The following PDGFD variants were observed in gnomAD, a reference collection of about 807,000 sequenced individuals.
The protein encoded by PDGFD is platelet derived growth factor D, also known as platelet-derived growth factor D.
Under a neutral mutation model 44.7 loss-of-function variants are expected in PDGFD, and 30 were observed. The observed-to-expected ratio is 0.67, with a 90% CI of 0.50 to 0.91. The LOEUF (loss-of-function observed/expected upper bound fraction) is 0.91. Among genes scored for constraint, PDGFD ranks in the 40% least tolerant of loss-of-function variants. The pLI, the probability that PDGFD is intolerant of heterozygous loss-of-function variation, is 0.00. For synonymous variants in PDGFD, 173 were observed against 168.4 expected (o/e 1.03, Z -0.21); for missense variants, 445 against 457.8 (o/e 0.97, Z 0.25).
chr11:103,956,471 T>C (rs1858852161), intron 3 of PDGFD, among the ~76,000 whole-genome samples: 1 of 106,530 alleles, frequency 9.4e-6, no homozygotes, highest in African/African-American at 5.2e-5. Context: ...CATAAGGACA[T>C]TTGGGTTGGT....
In PDGFD at chr11:104,099,549, T is replaced by C. The variant is rs533465877; in HGVS notation, c.124+64255A>G. ...CTGGAGGCTAAGGTGGGAGAATCAC[T>C]TTATCCTAGGAGGCAGAGGTGGCAG... On this transcript the variant is annotated intron_variant, in intron 1 of 6. Coordinates refer to ENST00000393158, the MANE Select transcript of PDGFD (RefSeq NM_025208.5). 2.6e-5 allele frequency among the ~76,000 whole-genome samples: 4 copies of C among 151,586 alleles called. No homozygotes were observed. The South Asian group carries it at 8.3e-4, about 32-fold the overall frequency.
Position 103,908,752 on chromosome 11 carries a change from A to G in PDGFD, c.*942T>C, listed in dbSNP as rs1259543918. On this transcript the variant is annotated 3_prime_UTR_variant, in exon 7 of 7. Transcript: ENST00000393158. Reference sequence around the variant, plus strand: ...AATTTCCAGTTACGTCGATGTTTCAATGTTCACTTTTTAAGTTCTCAACTA... The same window carrying G: ...AATTTCCAGTTACGTCGATGTTTCAGTGTTCACTTTTTAAGTTCTCAACTA... 6.6e-6 allele frequency: 1 copy of G among 152,186 alleles called. No individual in the cohort carries two copies. The highest frequency in any genetic ancestry group is 1.9e-4 in the East Asian group (1 of 5,194). The allele number at this position is 152,186 out of a possible 1,614,324, so 9.4% of individuals were successfully genotyped here.
chr11:103,913,537 C>G (rs149443758), intron 6 of PDGFD, among the ~76,000 whole-genome samples: 1 of 152,230 alleles, frequency 6.6e-6, no homozygotes, highest in African/African-American at 2.4e-5. Context: ...TAGATGCCTA[C>G]AAGAGAAAGC....
At chr11:103,910,317 A>T (rs1052537365) in intron 6 of PDGFD, among the ~76,000 whole-genome samples, 10 of 152,218 alleles carry the variant, frequency 6.6e-5, no homozygotes, top group Admixed American at 1.3e-4. Flanking sequence ...AAGATGGCCG[A>T]ACAGGAACAG....
At chr11:103,936,829 TG>T (rs1565288893) in intron 5 of PDGFD, among the ~76,000 whole-genome samples, 1 of 139,098 alleles carries the variant, frequency 7.2e-6, no homozygotes, top group South Asian at 2.1e-4. Context: ...GTTTGTTTTT[TG>T]TTTTTTTTTT....
chr11:104,102,885 A>G (rs892980301), intron 1 of PDGFD, among the ~76,000 whole-genome samples: 1 of 152,208 alleles, frequency 6.6e-6, no homozygotes, highest in Non-Finnish European at 1.5e-5. Flanking sequence ...CAATGAGAAC[A>G]CATGGACACA....
In PDGFD at chr11:103,909,696, A is replaced by G; in HGVS notation, c.1111T>C (p.Ter371GlnextTer16). 1 of 1,614,102 alleles carries G rather than the reference A, an allele frequency of 6.2e-7. No individual in the cohort carries two copies. Among genetic ancestry groups the G allele is most frequent in the Non-Finnish European group, 8.5e-7 (1 of 1,179,936 alleles). Residue 371 changes from the stop codon to glutamine, a stop_lost, in exon 7 of 7, where the codon TAA becomes CAA. Transcript: ENST00000393158. Reference sequence around the variant, plus strand: ...AATGTAAGGATGTGCACATTCTCTTATCGAGGTGGTCTTGAGCTGCAGATA... The same window carrying G: ...AATGTAAGGATGTGCACATTCTCTTGTCGAGGTGGTCTTGAGCTGCAGATA... Reference protein sequence around the residue: ...DCICSSRPPR* With the variant: ...DCICSSRPPRQ
chr11:104,163,766 AT>A (rs557141512), intron 1 of PDGFD, 37 bp downstream of exon 1: 200 of 1,487,560 alleles, frequency 1.3e-4, no homozygotes, highest in South Asian at 7.5e-4. Flanking sequence ...AGCAAACATG[AT>A]TTTTTTTTCA....
intron 1 of PDGFD, among the ~76,000 whole-genome samples, chr11:104,005,117 G>C (rs770683707): frequency 6.6e-6 from 1 of 152,096 alleles, no homozygotes; most frequent in Admixed American, 6.6e-5. Flanking sequence ...GACCTCAAGT[G>C]ATCTGCCCAC....
chr11:103,939,837 G>A (rs920021779), intron 5 of PDGFD, among the ~76,000 whole-genome samples: 2 of 151,996 alleles, frequency 1.3e-5, no homozygotes, highest in South Asian at 4.1e-4. Flanking sequence ...CAAAAATTAG[G>A]TTTGAAACTA....
chr11:104,064,383 T>C lies in PDGFD; in HGVS notation c.125-64128A>G, dbSNP rs375193747. Among the ~76,000 whole-genome samples the C allele has an allele frequency of 3.0e-4, 45 of 152,344 alleles. No homozygotes were observed. The South Asian group carries it at 5.2e-3, about 18-fold the overall frequency. On this transcript the variant is annotated intron_variant, in intron 1 of 6. Coordinates refer to ENST00000393158, the MANE Select transcript of PDGFD (RefSeq NM_025208.5). Reference sequence around the variant, plus strand: ...TTCTTTATACAGATGCCAAATGCACTTCAGAAGCACATGGGAACAATTACA... The same window carrying C: ...TTCTTTATACAGATGCCAAATGCACCTCAGAAGCACATGGGAACAATTACA...
intron 1 of PDGFD, among the ~76,000 whole-genome samples, chr11:104,119,175 T>TTGGTA (rs1565340617): frequency 0.011 from 96 of 8,476 alleles, 14 homozygotes; most frequent in Non-Finnish European, 0.015. Flanking sequence ...ATATAATATA[T>TTGGTA]TAATATAATA....
intron 5 of PDGFD, among the ~76,000 whole-genome samples, chr11:103,930,996 C>T (rs759814086): frequency 6.6e-6 from 1 of 152,150 alleles, no homozygotes; most frequent in Non-Finnish European, 1.5e-5. Flanking sequence ...CCCTTTCTTG[C>T]CTCATCTAGG....
intron 1 of PDGFD, among the ~76,000 whole-genome samples, chr11:104,122,899 GA>G (rs1246421360): frequency 1.3e-5 from 2 of 151,180 alleles, no homozygotes; most frequent in African/African-American, 2.4e-5. Context: ...TTTTATATCA[GA>G]AAAAAAAAAT....
intron 1 of PDGFD, among the ~76,000 whole-genome samples, chr11:104,119,839 A>G (rs1861743381): frequency 9.1e-6 from 1 of 110,320 alleles, no homozygotes; most frequent in East Asian, 3.2e-4. Flanking sequence ...ATAATCAATT[A>G]TTATATATTA....
intron 1 of PDGFD, among the ~76,000 whole-genome samples, chr11:104,131,552 A>T (rs1861919208): frequency 6.6e-6 from 1 of 151,964 alleles, no homozygotes; most frequent in African/African-American, 2.4e-5. Flanking sequence ...ACATATCCTT[A>T]GAGTCTACAC....
intron 1 of PDGFD, among the ~76,000 whole-genome samples, chr11:104,055,603 T>C (rs1269738979): frequency 2.0e-5 from 3 of 152,202 alleles, no homozygotes; most frequent in Non-Finnish European, 4.4e-5. Flanking sequence ...ATCATAACTC[T>C]ATTATTTTAA....
At position 103,907,258 on chromosome 11, in the gene PDGFD, A is replaced by G. The variant is rs1270860281; in HGVS notation, c.*2436T>C. On this transcript the variant is annotated 3_prime_UTR_variant, in exon 7 of 7. Transcript: ENST00000393158. ...TATTACATTCGCTATAGAAAATGCT[A>G]TGAGAGGAAAAAGCTGCATGTTACC... 3 of 152,272 alleles carry G rather than the reference A, an allele frequency of 2.0e-5. No individual in the cohort carries two copies. Among genetic ancestry groups the G allele is most frequent in the Middle Eastern group, 3.4e-3 (1 of 294 alleles). The allele number at this position is 152,272 out of a possible 1,614,324, so 9.4% of individuals were successfully genotyped here.
At chr11:103,948,986 T>C (rs1169246779) in intron 3 of PDGFD, among the ~76,000 whole-genome samples, 1 of 143,334 alleles carries the variant, frequency 7.0e-6, no homozygotes, top group Non-Finnish European at 1.5e-5. Flanking sequence ...GACATCATTA[T>C]TTTAGTCACT....
Sources: allele counts gnomAD v4.1 joint callset (sites outside exome capture counted in the v4.1 genomes callset), GRCh38; gene constraint gnomAD v4.1.1; transcripts MANE v1.5; gene names NCBI Gene and HGNC (gene_info 2026-07-23, HGNC 2026-07-21).